PTPRH: variants seen among roughly 807,000 people sequenced by gnomAD.
The protein encoded by PTPRH is receptor-type tyrosine-protein phosphatase H.
PTPRH carries 113 observed loss-of-function variants against 130.2 expected under a neutral mutation model. That is an observed-to-expected ratio of 0.87 (90% CI 0.75 to 1.01). The LOEUF is 1.01. Among genes scored for constraint, PTPRH ranks in the 50% least tolerant of loss-of-function variants. PTPRH has a pLI of 0.00. For synonymous variants in PTPRH, 556 were observed against 577.9 expected (o/e 0.96, Z 0.54); for missense variants, 1,430 against 1,425.0 (o/e 1.00, Z -0.06).
intron 6 of PTPRH, among the ~76,000 whole-genome samples, chr19:55,201,128 C>A (rs528677733): frequency 1.3e-5 from 2 of 152,166 alleles, no homozygotes; most frequent in Non-Finnish European, 2.9e-5. Context: ...TGCCTGTAAT[C>A]TCAGCAATTT....
chr19:55,203,389 T>G (rs905865085), intron 5 of PTPRH, among the ~76,000 whole-genome samples: 1 of 105,676 alleles, frequency 9.5e-6, no homozygotes, highest in Non-Finnish European at 1.8e-5. Context: ...GTAATTTAGT[T>G]TCTTTCTTTC....
intron 12 of PTPRH, among the ~76,000 whole-genome samples, chr19:55,190,125 C>T (rs889081947): frequency 6.6e-6 from 1 of 152,006 alleles, no homozygotes; most frequent in Non-Finnish European, 1.5e-5. Flanking sequence ...AATCCCAGCA[C>T]TCTGGGAGGC....
rs761755236 is a variant in PTPRH, at chr19:55,206,960, G to A, written c.86-5C>T. On this transcript the variant is annotated splice_region_variant and splice_polypyrimidine_tract_variant and intron_variant, in intron 2 of 19. Transcript: ENST00000376350. ...GGTTCCTCCCTGGGTTGGGGGCTGA[G>A]AATTGGGAAGGAAGGTCTGACAAAA... The A allele has an allele frequency of 1.3e-6, 2 of 1,583,224 alleles. No homozygotes were observed. Among genetic ancestry groups the A allele is most frequent in the African/African-American group, 1.3e-5 (1 of 74,254 alleles).
intron 12 of PTPRH, among the ~76,000 whole-genome samples, chr19:55,190,136 C>T (rs1007517981): frequency 1.3e-5 from 2 of 151,658 alleles, no homozygotes; most frequent in African/African-American, 2.4e-5. Flanking sequence ...TCTGGGAGGC[C>T]GAGGCAGGTG....
intron 5 of PTPRH, among the ~76,000 whole-genome samples, chr19:55,202,793 C>A (rs2086906977): frequency 6.6e-6 from 1 of 152,150 alleles, no homozygotes; most frequent in Admixed American, 6.6e-5. Context: ...AATCCCAGCA[C>A]TTTGGGAGGC....
At chr19:55,186,163 T>C in intron 16 of PTPRH, 62 bp downstream of exon 16, 2 of 1,577,838 alleles carry the variant, frequency 1.3e-6, no homozygotes, top group South Asian at 1.2e-5. Context: ...GGGGTCTACA[T>C]TGGATGAGTG....
In PTPRH at chr19:55,203,326, C is replaced by CAAAA. The variant is rs531285040; in HGVS notation, c.886+452_886+455dup. Among the ~76,000 whole-genome samples the CAAAA allele has an allele frequency of 1.3e-3, 94 of 75,118 alleles. 2 individuals are homozygous for CAAAA. The highest frequency in any genetic ancestry group is 1.8e-3 in the Non-Finnish European group (68 of 38,060). 49.3% of individuals were successfully genotyped at this position (75,118 alleles called of 152,430 possible). ...TGGGCGACAGAGGGAGACTCTGTCT[C>CAAAA]AAAAAAAAAAAAAAAAAAATTGTAT... On this transcript the variant is annotated intron_variant, in intron 5 of 19. Coordinates refer to ENST00000376350, the MANE Select transcript of PTPRH (RefSeq NM_002842.5).
Position 55,197,249 on chromosome 19 carries a change from T to G in PTPRH, c.1858A>C (p.Asn620His). The G allele has an allele frequency of 6.2e-7, 1 of 1,614,282 alleles. No individual in the cohort carries two copies. Among genetic ancestry groups the G allele is most frequent in the Non-Finnish European group, 8.5e-7 (1 of 1,180,050 alleles). ...RGQDPQANWV[N>H]QTSRTNETWY... ...GTCTCATTGGTCCTGCTGGTCTGGTTGACCCAATTCGCTTGGGGATCTTGC... is the reference window on the plus strand; with the variant it reads ...GTCTCATTGGTCCTGCTGGTCTGGTGGACCCAATTCGCTTGGGGATCTTGC... The change falls in exon 9 of 20, where the codon AAC becomes CAC. Residue 620 changes from asparagine (N) to histidine (H), a missense_variant. Coordinates refer to ENST00000376350, the MANE Select transcript of PTPRH (RefSeq NM_002842.5).
rs1217427780 is a variant in PTPRH, at chr19:55,205,549, G to A, written c.396C>T (p.Asn132=). 5 of 1,614,142 alleles carry A rather than the reference G, an allele frequency of 3.1e-6. No individual in the cohort carries two copies. In the African/African-American group the frequency reaches 5.3e-5, roughly 17 times the overall value. Residue 132 remains asparagine, a synonymous_variant, in exon 4 of 20, where the codon AAC becomes AAT. Transcript: ENST00000376350. ...CCTCCCAGGTCAGGGCGATGGAGCT[G>A]TTGGTCTGAGCCTCCACTCTCAGGT... ...VRNLRVEAQT[N]SSIALTWEVP... is the part of the protein sequence containing the mutation.
At chr19:55,185,406 C>A in intron 18 of PTPRH, 96 bp downstream of exon 18, 3 of 1,362,756 alleles carry the variant, frequency 2.2e-6, no homozygotes, top group African/African-American at 2.9e-5. Flanking sequence ...TCCCTCTTCA[C>A]CTCCCCTGTA....
intron 18 of PTPRH, among the ~76,000 whole-genome samples, chr19:55,185,031 G>A (rs1174793931): frequency 6.6e-6 from 1 of 150,648 alleles, no homozygotes; most frequent in Non-Finnish European, 1.5e-5. Flanking sequence ...TCGAGACAGA[G>A]TCACCCAGGC....
In PTPRH at chr19:55,204,142, CAG is replaced by C; in HGVS notation, c.620-96_620-95del. 2.2e-6 allele frequency: 3 copies of C among 1,357,254 alleles called. No homozygotes were observed. The South Asian group carries it at 4.3e-5, about 19-fold the overall frequency. The allele number at this position is 1,357,254 out of a possible 1,614,324, so 84.1% of individuals were successfully genotyped here. A position where few individuals can be genotyped will look rare whatever the true frequency, so the allele number is the denominator to read the frequency against. ...TTTTTGTTTGTTTGTTTTTTCGAGACAGAGTCTCTGTCTGTCATCCAGGCTGG... is the reference window on the plus strand; with the variant it reads ...TTTTTGTTTGTTTGTTTTTTCGAGACAGTCTCTGTCTGTCATCCAGGCTGG... On this transcript the variant is annotated intron_variant, in intron 4 of 19. Coordinates refer to ENST00000376350, the MANE Select transcript of PTPRH (RefSeq NM_002842.5).
At position 55,198,919 on chromosome 19, in the gene PTPRH, G is replaced by C; in HGVS notation, c.1421-7C>G. 1 of 1,502,992 alleles carries C rather than the reference G, an allele frequency of 6.7e-7. No homozygotes were observed. The highest frequency in any genetic ancestry group is 8.9e-7 in the Non-Finnish European group (1 of 1,123,174). 93.1% of individuals were successfully genotyped at this position (1,502,992 alleles called of 1,614,324 possible). On this transcript the variant is annotated splice_region_variant and splice_polypyrimidine_tract_variant and intron_variant, in intron 7 of 19. Coordinates refer to ENST00000376350, the MANE Select transcript of PTPRH (RefSeq NM_002842.5). Reference sequence around the variant, plus strand: ...CTTGTCACTGCGTTGGGGACTGGGAGAGGGAGCAGAGTCAGGATTTCCACA... The same window carrying C: ...CTTGTCACTGCGTTGGGGACTGGGACAGGGAGCAGAGTCAGGATTTCCACA...
intron 16 of PTPRH, 38 bp downstream of exon 16, chr19:55,186,187 C>T (rs1273380832): frequency 6.3e-7 from 1 of 1,592,898 alleles, no homozygotes. Flanking sequence ...GGGGCGGGGT[C>T]CTGCACCCAG....
Position 55,181,468 on chromosome 19 carries a change from C to G in PTPRH, c.*286G>C. 2 of 364,568 alleles carry G rather than the reference C, an allele frequency of 5.5e-6. No individual in the cohort carries two copies. Among genetic ancestry groups the G allele is most frequent in the Non-Finnish European group, 1.0e-5 (2 of 199,492 alleles). 22.6% of individuals were successfully genotyped at this position (364,568 alleles called of 1,614,324 possible). A position where few individuals can be genotyped will look rare whatever the true frequency, so the allele number is the denominator to read the frequency against. On this transcript the variant is annotated 3_prime_UTR_variant, in exon 20 of 20. Coordinates refer to ENST00000376350, the MANE Select transcript of PTPRH (RefSeq NM_002842.5). ...TTCCTTCCTGCCTCAGAATCCAGGCCCCAGCCTGTTTCTTTCTGCATCCTG... is the reference window on the plus strand; with the variant it reads ...TTCCTTCCTGCCTCAGAATCCAGGCGCCAGCCTGTTTCTTTCTGCATCCTG...
At chr19:55,187,701 T>G in intron 13 of PTPRH, 98 bp from the exon 14 acceptor site, 3 of 858,386 alleles carry the variant, frequency 3.5e-6, no homozygotes, top group Admixed American at 3.9e-5. Flanking sequence ...GCATCACCCC[T>G]TGTTTATTCG....
Position 55,181,694 on chromosome 19 carries a change from G to A in PTPRH, c.*60C>T. On this transcript the variant is annotated 3_prime_UTR_variant, in exon 20 of 20. Coordinates refer to ENST00000376350, the MANE Select transcript of PTPRH (RefSeq NM_002842.5). ...GCCCTCTGCTCTTCCAGGAATCTGGGCTCAAGTGGGTGTCCAGAGCTTGAG... is the reference window on the plus strand; with the variant it reads ...GCCCTCTGCTCTTCCAGGAATCTGGACTCAAGTGGGTGTCCAGAGCTTGAG... 6.2e-7 allele frequency: 1 copy of A among 1,602,094 alleles called. No individual in the cohort carries two copies. The highest frequency in any genetic ancestry group is 8.5e-7 in the Non-Finnish European group (1 of 1,171,728).
intron 14 of PTPRH, among the ~76,000 whole-genome samples, chr19:55,187,088 G>A (rs577556161): frequency 4.6e-5 from 7 of 150,588 alleles, no homozygotes; most frequent in Admixed American, 4.6e-4. Flanking sequence ...GCTCACGCCC[G>A]TAATCCCAGC....
chr19:55,192,662 CT>C (rs1191032620), intron 10 of PTPRH, among the ~76,000 whole-genome samples: 5 of 151,044 alleles, frequency 3.3e-5, no homozygotes, highest in Non-Finnish European at 7.4e-5. Flanking sequence ...CGCCATTCTC[CT>C]GCCTCAGCCT....
Sources: gnomAD v4.1 joint callset for allele counts (sites outside exome capture counted in the v4.1 genomes callset) on GRCh38, gnomAD v4.1.1 for gene constraint, MANE v1.5 for transcripts, NCBI Gene and HGNC (gene_info 2026-07-23, HGNC 2026-07-21) for gene names.